EXOC4: variants seen among roughly 807,000 people sequenced by gnomAD.
EXOC4 encodes exocyst complex component 4, also known as SEC8-like 1.
Under a neutral mutation model 107.2 loss-of-function variants are expected in EXOC4, and 71 were observed. That is an observed-to-expected ratio of 0.66 (90% CI 0.55 to 0.81). The LOEUF is 0.81. Ranked by LOEUF, EXOC4 falls within the 30% of genes least tolerant of loss-of-function variation. The pLI is 0.00. For synonymous variants in EXOC4, 456 were observed against 441.2 expected (o/e 1.03, Z -0.42); for missense variants, 1,108 against 1,189.6 (o/e 0.93, Z 1.01).
intron 10 of EXOC4, among the ~76,000 whole-genome samples, chr7:133,648,612 T>C (rs1803052202): frequency 6.6e-6 from 1 of 152,208 alleles, no homozygotes; most frequent in South Asian, 2.1e-4. Flanking sequence ...AAGACAATTC[T>C]GACTTAAAAG....
intron 9 of EXOC4, among the ~76,000 whole-genome samples, chr7:133,566,552 GTGTT>G (rs973155752): frequency 2.0e-5 from 3 of 152,126 alleles, no homozygotes; most frequent in Non-Finnish European, 4.4e-5. Flanking sequence ...AGCCAAGTTT[GTGTT>G]TGTTTGTTTT....
chr7:133,805,035 C>T (rs1797040949), intron 10 of EXOC4, among the ~76,000 whole-genome samples: 1 of 152,060 alleles, frequency 6.6e-6, no homozygotes, highest in African/African-American at 2.4e-5. Context: ...GTCCACTGTA[C>T]TTGATGTAGT....
chr7:133,561,897 C>CCCG (rs1435788626), intron 9 of EXOC4, among the ~76,000 whole-genome samples: 3 of 152,220 alleles, frequency 2.0e-5, no homozygotes, highest in African/African-American at 7.2e-5. Flanking sequence ...CCACCCGCCA[C>CCCG]CCAGAGCTGG....
chr7:133,745,334 C>A (rs891396921), intron 10 of EXOC4, among the ~76,000 whole-genome samples: 10 of 152,050 alleles, frequency 6.6e-5, no homozygotes, highest in African/African-American at 1.9e-4. Flanking sequence ...CTCAACTGTT[C>A]TTTTAATTAA....
At chr7:133,613,493 A>G (rs1336595564) in intron 9 of EXOC4, among the ~76,000 whole-genome samples, 2 of 152,004 alleles carry the variant, frequency 1.3e-5, no homozygotes, top group African/African-American at 4.8e-5. Context: ...TGTATTTTCC[A>G]TCGTGTTTAG....
chr7:133,445,183 A>G (rs1798190969), intron 7 of EXOC4, among the ~76,000 whole-genome samples: 1 of 152,166 alleles, frequency 6.6e-6, no homozygotes, highest in Non-Finnish European at 1.5e-5. Flanking sequence ...TTCTGAACTC[A>G]TTATAGAATC....
chr7:133,823,887 TATATATTTTATATATATATATATAA>T lies in EXOC4; in HGVS notation c.1734+6350_1734+6374del, dbSNP rs1797622306. ...TATATATATATTATATATATATATA[TATATATTTTATATATATATATATAA>T]ATATATATATAAATTATATATATAT... is the stretch of plus-strand genomic sequence containing the variant. On this transcript the variant is annotated intron_variant, in intron 11 of 17. Transcript: ENST00000253861. 3.6e-4 allele frequency among the ~76,000 whole-genome samples: 8 copies of T among 22,354 alleles called. 1 individual carries two copies. The African/African-American group carries it at 3.6e-3, about 10-fold the overall frequency. The allele number at this position is 22,354 out of a possible 152,430, so 14.7% of individuals were successfully genotyped here. A position where few individuals can be genotyped will look rare whatever the true frequency, so the allele number is the denominator to read the frequency against.
the EXOC4 span, among the ~76,000 whole-genome samples, chr7:134,099,522 CTTTTTTTTTTTTTTTTT>C: frequency 9.6e-6 from 1 of 103,932 alleles, no homozygotes; most frequent in African/African-American, 3.3e-5. Flanking sequence ...CATCACACTT[CTTTTTTTTTTTTTTTTT>C]TTTTTTTTTT....
In EXOC4 at chr7:133,985,133, G is replaced by A. The variant is rs926861831; in HGVS notation, c.2207-12359G>A. Among the ~76,000 whole-genome samples, 9 of 152,038 alleles carry A rather than the reference G, an allele frequency of 5.9e-5. No individual in the cohort carries two copies. The South Asian group carries it at 6.2e-4, about 11-fold the overall frequency. ...TAGTTAGGGTAATATAAGATATTTC[G>A]GAGGAAGCATTCTAAGAAACACTAA... On this transcript the variant is annotated intron_variant, in intron 14 of 17. Coordinates refer to ENST00000253861, the MANE Select transcript of EXOC4 (RefSeq NM_021807.4).
chr7:133,492,428 C>T (rs1799389881), intron 9 of EXOC4, among the ~76,000 whole-genome samples: 2 of 152,014 alleles, frequency 1.3e-5, no homozygotes, highest in Admixed American at 1.3e-4. Flanking sequence ...ATTATGTATG[C>T]TTTTATGGTT....
chr7:133,639,174 C>A (rs541035721), intron 10 of EXOC4, among the ~76,000 whole-genome samples: 3 of 152,160 alleles, frequency 2.0e-5, no homozygotes, highest in South Asian at 4.1e-4. Context: ...CCTTTAATAA[C>A]GTATATTCCT....
chr7:133,714,716 A>G (rs973332116), intron 10 of EXOC4, among the ~76,000 whole-genome samples: 23 of 152,112 alleles, frequency 1.5e-4, no homozygotes, highest in African/African-American at 5.3e-4. Flanking sequence ...ATGTGGGAGG[A>G]TGTGCGTAGG....
At chr7:133,277,367 A>G (rs1248099838) in intron 2 of EXOC4, among the ~76,000 whole-genome samples, 1 of 152,184 alleles carries the variant, frequency 6.6e-6, no homozygotes, top group East Asian at 1.9e-4. Context: ...ACCTCATGGT[A>G]TTTGTATTTT....
intron 5 of EXOC4, among the ~76,000 whole-genome samples, chr7:133,341,430 G>A (rs1044485332): frequency 1.2e-4 from 18 of 152,168 alleles, no homozygotes; most frequent in African/African-American, 3.9e-4. Context: ...TAAACTTGTT[G>A]AGACTGGTTT....
chr7:133,677,808 T>TTG (rs1794097965), intron 10 of EXOC4, among the ~76,000 whole-genome samples: 4 of 151,724 alleles, frequency 2.6e-5, no homozygotes, highest in Admixed American at 2.6e-4. Context: ...GGGCTTTTTT[T>TTG]GTATTAGTTG....
intron 9 of EXOC4, among the ~76,000 whole-genome samples, chr7:133,588,792 G>A (rs188017796): frequency 8.1e-4 from 124 of 152,224 alleles, no homozygotes; most frequent in African/African-American, 2.5e-3. Context: ...CACGAGAATC[G>A]CTTGAACCCA....
downstream of EXOC4, among the ~76,000 whole-genome samples, chr7:134,069,997 T>C (rs997977103): frequency 2.6e-5 from 4 of 152,248 alleles, no homozygotes; most frequent in Admixed American, 6.5e-5. Context: ...GCCAAGGGGC[T>C]GTCCCTCTAG....
In EXOC4 at chr7:133,356,530, G is replaced by A. The variant is rs1796024305; in HGVS notation, c.964G>A (p.Gly322Ser). 6.2e-7 allele frequency: 1 copy of A among 1,614,076 alleles called. No homozygotes were observed. The highest frequency in any genetic ancestry group is 8.5e-7 in the Non-Finnish European group (1 of 1,179,962). The change falls in exon 6 of 18, where the codon GGC becomes AGC. Residue 322 changes from glycine (G) to serine (S), a missense_variant. Gly to Ser is a moderately conservative substitution (Grantham distance 56). Coordinates refer to ENST00000253861, the MANE Select transcript of EXOC4 (RefSeq NM_021807.4). Reference sequence around the variant, plus strand: ...GTCTACAACCCAGGTGGCAGACAGTGGCTATCAGCGGGGGGAGAACGTTAC... The same window carrying A: ...GTCTACAACCCAGGTGGCAGACAGTAGCTATCAGCGGGGGGAGAACGTTAC... The part of the protein sequence containing the change: ...KRSTTQVADS[G>S]YQRGENVTVE...
chr7:133,816,963 G>C (rs1218806176), intron 10 of EXOC4, among the ~76,000 whole-genome samples: 2 of 152,094 alleles, frequency 1.3e-5, no homozygotes, highest in Non-Finnish European at 1.5e-5. Flanking sequence ...TAAAGGTTTC[G>C]GTGGGAAATA....
Sources: allele counts gnomAD v4.1 joint callset (sites outside exome capture counted in the v4.1 genomes callset), GRCh38; gene constraint gnomAD v4.1.1; transcripts MANE v1.5; gene names NCBI Gene and HGNC (gene_info 2026-07-23, HGNC 2026-07-21).